Variants in SLC25A42 observed in about 807,000 individuals in gnomAD.
The protein encoded by SLC25A42 is mitochondrial coenzyme A transporter SLC25A42.
Under a neutral mutation model 34.7 loss-of-function variants are expected in SLC25A42, and 19 were observed. The ratio of observed to expected loss-of-function variants is 0.55; its 90% CI spans 0.38 to 0.80. The LOEUF is 0.80. Ranked by LOEUF, SLC25A42 falls within the 30% of genes least tolerant of loss-of-function variation. SLC25A42 has a pLI of 0.00. For synonymous variants in SLC25A42, 205 were observed against 191.2 expected (o/e 1.07, Z -0.59); for missense variants, 364 against 441.3 (o/e 0.82, Z 1.57).
intron 1 of SLC25A42, among the ~76,000 whole-genome samples, chr19:19,085,617 C>T (rs986090124): frequency 3.3e-5 from 5 of 152,256 alleles, no homozygotes; most frequent in East Asian, 1.9e-4. Context: ...CAGGTGAGGC[C>T]GGCCTTGGCC....
At position 19,104,763 on chromosome 19, in the gene SLC25A42, G is replaced by A; in HGVS notation, c.188-150G>A. The stretch of plus-strand genomic sequence containing the variant: ...TCAATGGAGACCCTCACTATTCTGG[G>A]GCTTGGGTGTCAGCTCAGCTCCCAT... On this transcript the variant is annotated intron_variant, in intron 3 of 7. Coordinates refer to ENST00000318596, the MANE Select transcript of SLC25A42 (RefSeq NM_178526.5). The A allele has an allele frequency of 7.3e-6, 6 of 827,556 alleles. 1 individual carries two copies. The highest frequency in any genetic ancestry group is 1.5e-5 in the South Asian group (1 of 64,958). The allele number at this position is 827,556 out of a possible 1,614,324, so 51.3% of individuals were successfully genotyped here.
chr19:19,096,413 G>T (rs2059765913), intron 2 of SLC25A42, among the ~76,000 whole-genome samples: 1 of 152,040 alleles, frequency 6.6e-6, no homozygotes, highest in African/African-American at 2.4e-5. Flanking sequence ...TGGGCTGAGG[G>T]TGGAGTGGTG....
intron 1 of SLC25A42, among the ~76,000 whole-genome samples, chr19:19,066,535 G>C (rs568247657): frequency 7.6e-4 from 114 of 149,110 alleles, no homozygotes; most frequent in South Asian, 4.9e-3. Context: ...TGCAAGCTCC[G>C]CCTCCCAAGT....
intron 1 of SLC25A42, among the ~76,000 whole-genome samples, chr19:19,092,319 C>T (rs917763847): frequency 6.6e-6 from 1 of 152,222 alleles, no homozygotes; most frequent in Non-Finnish European, 1.5e-5. Flanking sequence ...CCTCCAGTTA[C>T]GTCCCCCAGC....
intron 6 of SLC25A42, 67 bp from the exon 7 acceptor site, chr19:19,107,827 C>G: frequency 6.3e-7 from 1 of 1,576,734 alleles, no homozygotes; most frequent in Non-Finnish European, 8.7e-7. Context: ...GAGCCGAGAG[C>G]CTCTGTGGCT....
At chr19:19,078,712 C>A (rs2059666983) in intron 1 of SLC25A42, among the ~76,000 whole-genome samples, 1 of 152,156 alleles carries the variant, frequency 6.6e-6, no homozygotes. Flanking sequence ...ATGAACACTG[C>A]CTGAGTCAGC....
rs534414291 is a variant in SLC25A42 at position 19,092,754 on chromosome 19, C to T, written c.-34-3337C>T. 3.9e-5 allele frequency among the ~76,000 whole-genome samples: 6 copies of T among 152,296 alleles called. No individual in the cohort carries two copies. In the East Asian group the frequency reaches 1.2e-3, roughly 29 times the overall value. On this transcript the variant is annotated intron_variant, in intron 1 of 7. Coordinates refer to ENST00000318596, the MANE Select transcript of SLC25A42 (RefSeq NM_178526.5). The stretch of plus-strand genomic sequence containing the variant: ...GGTGACTTTGCAGAACATGTCCAGG[C>T]CACCTGACCCAGCACCTCGATTCTA...
chr19:19,081,668 G>A lies in SLC25A42; in HGVS notation c.-34-14423G>A, dbSNP rs1599670550. 6.6e-6 allele frequency among the ~76,000 whole-genome samples: 1 copy of A among 152,112 alleles called. No homozygotes were observed. Among genetic ancestry groups the A allele is most frequent in the East Asian group, 1.9e-4 (1 of 5,192 alleles). ...CAGGAAACGACCTCACCACCTCCAG[G>A]TCTCAGGCAGAACCTGGACAGGCTC... is the stretch of plus-strand genomic sequence containing the variant. On this transcript the variant is annotated intron_variant, in intron 1 of 7. Coordinates refer to ENST00000318596, the MANE Select transcript of SLC25A42 (RefSeq NM_178526.5). The surrounding 1 kb of genome is among the most constrained non-coding windows in gnomAD (Gnocchi z 4.5).
chr19:19,107,993 C>T lies in SLC25A42; in HGVS notation c.597C>T (p.Pro199=), dbSNP rs773556074. 1.2e-6 allele frequency: 2 copies of T among 1,611,038 alleles called. No individual in the cohort carries two copies. Among genetic ancestry groups the T allele is most frequent in the African/African-American group, 2.7e-5 (2 of 74,864 alleles). The change falls in exon 7 of 8, where the codon CCC becomes CCT. Residue 199 remains proline (P), a synonymous_variant. Transcript: ENST00000318596. ...TGCCCACCGTGCTGGGGGTCATTCC[C>T]TACGCTGGCCTGAGCTTCTTCACCT... ...GFMPTVLGVI[P]YAGLSFFTYE...
chr19:19,067,598 T>C (rs562355357), intron 1 of SLC25A42, among the ~76,000 whole-genome samples: 4 of 152,026 alleles, frequency 2.6e-5, no homozygotes, highest in Admixed American at 2.6e-4. Context: ...TAAAAAAAAT[T>C]TTTTTTGAGT....
chr19:19,104,899 TTTG>T lies in SLC25A42; in HGVS notation c.188-11_188-9del. ...TTTGCATCTCAGTGGCTTTTGTGCT[TTTG>T]TTTTTTCCAGTGTCTTCAAAAAGAT... On this transcript the variant is annotated splice_polypyrimidine_tract_variant and intron_variant, in intron 3 of 7. Transcript: ENST00000318596. 6.2e-7 allele frequency: 1 copy of T among 1,614,074 alleles called. No individual in the cohort carries two copies. The highest frequency in any genetic ancestry group is 8.5e-7 in the Non-Finnish European group (1 of 1,179,990).
At chr19:19,071,580 A>T (rs2059630116) in intron 1 of SLC25A42, among the ~76,000 whole-genome samples, 1 of 152,104 alleles carries the variant, frequency 6.6e-6, no homozygotes, top group African/African-American at 2.4e-5. Context: ...CAGAAAGCAA[A>T]ATTAGGGCTG....
In SLC25A42 at chr19:19,111,130, G is replaced by A; in HGVS notation, c.*254G>A. On this transcript the variant is annotated 3_prime_UTR_variant, in exon 8 of 8. Transcript: ENST00000318596. ...CCTCTTCCTTCCTCTGCAGACGCTG[G>A]CGCTGTCTGCCGGAGGTGTTGCCCA... 1 of 548,186 alleles carries A rather than the reference G, an allele frequency of 1.8e-6. No individual in the cohort carries two copies. Among genetic ancestry groups the A allele is most frequent in the Non-Finnish European group, 3.2e-6 (1 of 308,696 alleles). The allele number at this position is 548,186 out of a possible 1,614,324, so 34.0% of individuals were successfully genotyped here. A position where few individuals can be genotyped will look rare whatever the true frequency, so the allele number is the denominator to read the frequency against.
chr19:19,098,693 C>T (rs370732715), intron 2 of SLC25A42, among the ~76,000 whole-genome samples: 26 of 152,192 alleles, frequency 1.7e-4, no homozygotes, highest in South Asian at 1.7e-3. Context: ...CCGAGACAGG[C>T]GGATCACCTG....
rs990081054 is a variant in SLC25A42, at chr19:19,081,119, A to T, written c.-34-14972A>T. ...TGACAGAGTGAGACCCTGAAAAAATAAAAAAAAGAAGAAAGAAAGAATAAA... is the reference window on the plus strand; with the variant it reads ...TGACAGAGTGAGACCCTGAAAAAATTAAAAAAAGAAGAAAGAAAGAATAAA... On this transcript the variant is annotated intron_variant, in intron 1 of 7. Coordinates refer to ENST00000318596, the MANE Select transcript of SLC25A42 (RefSeq NM_178526.5). This position sits in a 1 kb window ranked among gnomAD's most constrained non-coding sequence, Gnocchi z 4.5. Among the ~76,000 whole-genome samples the T allele has an allele frequency of 2.4e-4, 36 of 151,986 alleles. No homozygotes were observed. Among genetic ancestry groups the T allele is most frequent in the African/African-American group, 7.0e-4 (29 of 41,452 alleles).
intron 1 of SLC25A42, among the ~76,000 whole-genome samples, chr19:19,088,947 A>G (rs563749880): frequency 2.0e-5 from 3 of 152,074 alleles, no homozygotes; most frequent in Non-Finnish European, 4.4e-5. Flanking sequence ...AGCTGGGACT[A>G]CAGGCATGCA....
chr19:19,066,783 G>A (rs191066571), intron 1 of SLC25A42, among the ~76,000 whole-genome samples: 2 of 152,122 alleles, frequency 1.3e-5, no homozygotes, highest in African/African-American at 4.8e-5. Flanking sequence ...TACAAACAGA[G>A]CTGCAATGGA....
chr19:19,074,255 C>G (rs761532540), intron 1 of SLC25A42, among the ~76,000 whole-genome samples: 4 of 152,178 alleles, frequency 2.6e-5, no homozygotes, highest in Non-Finnish European at 5.9e-5. Context: ...CTGAAAGGCA[C>G]ACAGGAGCAA....
At chr19:19,107,258 A>G (rs1599691751) in intron 6 of SLC25A42, among the ~76,000 whole-genome samples, 1 of 149,686 alleles carries the variant, frequency 6.7e-6, no homozygotes, top group Admixed American at 6.8e-5. Flanking sequence ...TTGAGGCTGC[A>G]GTGAGCCATG....
Sources: gnomAD v4.1 joint callset for allele counts (sites outside exome capture counted in the v4.1 genomes callset) on GRCh38, gnomAD v4.1.1 for gene constraint, Gnocchi (gnomAD v3.1) non-coding constraint, MANE v1.5 for transcripts, NCBI Gene and HGNC (gene_info 2026-07-23, HGNC 2026-07-21) for gene names.